The following GAD2 variants were observed in gnomAD, a reference collection of about 807,000 sequenced individuals.
GAD2 encodes the protein glutamate decarboxylase 2.
A neutral mutation model predicts 80.1 loss-of-function variants in GAD2; 22 were observed. That is an observed-to-expected ratio of 0.27 (90% CI 0.20 to 0.39). The LOEUF (loss-of-function observed/expected upper bound fraction) is 0.39, where lower values mean the gene tolerates loss of function less well. Among genes scored for constraint, GAD2 ranks in the 10% least tolerant of loss-of-function variants. The pLI is 1.00. For missense variants in GAD2, 624 were observed against 738.4 expected (o/e 0.85, Z 1.80); for synonymous variants, 274 against 256.9 (o/e 1.07, Z -0.64).
At chr10:26,294,911 T>A (rs1474127783) in intron 15 of GAD2, among the ~76,000 whole-genome samples, 1 of 152,214 alleles carries the variant, frequency 6.6e-6, no homozygotes, top group Non-Finnish European at 1.5e-5. Flanking sequence ...AACAATGACT[T>A]ATTTAACCAG....
chr10:26,230,312 G>C (rs1047620470), intron 7 of GAD2, among the ~76,000 whole-genome samples: 14 of 152,230 alleles, frequency 9.2e-5, no homozygotes, highest in Non-Finnish European at 1.8e-4. Flanking sequence ...TTGGACCATT[G>C]ATGCTACGCC....
chr10:26,217,526 G>C lies in GAD2; in HGVS notation c.77-84G>C. 7.0e-7 allele frequency: 1 copy of C among 1,432,750 alleles called. No individual in the cohort carries two copies. The highest frequency in any genetic ancestry group is 2.5e-5 in the East Asian group (1 of 40,490). 88.8% of individuals were successfully genotyped at this position (1,432,750 alleles called of 1,614,324 possible). A position where few individuals can be genotyped will look rare whatever the true frequency, so the allele number is the denominator to read the frequency against. On this transcript the variant is annotated intron_variant, in intron 1 of 15. Coordinates refer to ENST00000376261, the MANE Select transcript of GAD2 (RefSeq NM_001134366.2). The surrounding 1 kb of genome is among the most constrained non-coding windows in gnomAD (Gnocchi z 4.9). Reference sequence around the variant, plus strand: ...CCCCTCCTAGGACCCCGGACTGATTGATTTTCACATAGAACGAAATTTCAC... The same window carrying C: ...CCCCTCCTAGGACCCCGGACTGATTCATTTTCACATAGAACGAAATTTCAC...
At chr10:26,295,173 C>T (rs1834259601) in intron 15 of GAD2, among the ~76,000 whole-genome samples, 1 of 152,112 alleles carries the variant, frequency 6.6e-6, no homozygotes. Context: ...GTTTCAGCAC[C>T]TCATATGAGC....
intron 7 of GAD2, among the ~76,000 whole-genome samples, chr10:26,244,915 G>T (rs1447429931): frequency 6.6e-6 from 1 of 152,184 alleles, no homozygotes; most frequent in Non-Finnish European, 1.5e-5. Flanking sequence ...ACTTTGGGAG[G>T]TTGAGGCAGG....
chr10:26,237,686 C>G (rs1266196891), intron 7 of GAD2, among the ~76,000 whole-genome samples: 1 of 152,002 alleles, frequency 6.6e-6, no homozygotes, highest in Non-Finnish European at 1.5e-5. Flanking sequence ...TTTGAGATTT[C>G]CCTACATACA....
intron 15 of GAD2, among the ~76,000 whole-genome samples, chr10:26,296,566 T>A (rs537334725): frequency 3.2e-4 from 48 of 152,322 alleles, no homozygotes; most frequent in Non-Finnish European, 6.2e-4. Flanking sequence ...TGATGAATGC[T>A]TGGGGCACTA....
chr10:26,254,856 C>T (rs1326631479), intron 8 of GAD2, among the ~76,000 whole-genome samples: 1 of 152,170 alleles, frequency 6.6e-6, no homozygotes, highest in African/African-American at 2.4e-5. Flanking sequence ...GAAGTGTTGG[C>T]TGATTGGTGT....
At chr10:26,231,871 TACC>T (rs1374237083) in intron 7 of GAD2, among the ~76,000 whole-genome samples, 2 of 152,180 alleles carry the variant, frequency 1.3e-5, no homozygotes, top group Non-Finnish European at 2.9e-5. Flanking sequence ...CCTCTACTTC[TACC>T]ACCACATCTC....
At chr10:26,234,599 GTT>G (rs1364199950) in intron 7 of GAD2, among the ~76,000 whole-genome samples, 3 of 152,184 alleles carry the variant, frequency 2.0e-5, no homozygotes, top group African/African-American at 7.2e-5. Flanking sequence ...GAAATGTTTG[GTT>G]TTATCATGTA....
chr10:26,278,054 C>T (rs949117344), intron 11 of GAD2, among the ~76,000 whole-genome samples: 1 of 152,064 alleles, frequency 6.6e-6, no homozygotes, highest in Admixed American at 6.5e-5. Flanking sequence ...AATCAATCTG[C>T]AGGGCTTTTT....
At chr10:26,267,442 G>A (rs529014971) in intron 8 of GAD2, among the ~76,000 whole-genome samples, 1 of 152,354 alleles carries the variant, frequency 6.6e-6, no homozygotes, top group East Asian at 1.9e-4. Context: ...AAGTTATGAA[G>A]TGTAGGAAGA....
intron 11 of GAD2, among the ~76,000 whole-genome samples, chr10:26,274,878 C>T (rs1213645226): frequency 6.6e-6 from 1 of 152,224 alleles, no homozygotes; most frequent in Non-Finnish European, 1.5e-5. Context: ...GGGTCACTGT[C>T]CCTGAGTCTG....
Position 26,297,778 on chromosome 10 carries a change from G to A in GAD2, c.1585-3010G>A, listed in dbSNP as rs1319180080. 2.0e-5 allele frequency among the ~76,000 whole-genome samples: 3 copies of A among 152,282 alleles called. No individual in the cohort carries two copies. The East Asian group carries it at 5.8e-4, about 29-fold the overall frequency. On this transcript the variant is annotated intron_variant, in intron 15 of 15. Transcript: ENST00000376261. ...GGAAGGTGCCCTCTCTTCCAAGAGAGGAAGGGCAGGTTGGGTTTTATGCCT... is the reference window on the plus strand; with the variant it reads ...GGAAGGTGCCCTCTCTTCCAAGAGAAGAAGGGCAGGTTGGGTTTTATGCCT...
chr10:26,283,407 A>G (rs1294860930), intron 12 of GAD2, among the ~76,000 whole-genome samples: 3 of 152,242 alleles, frequency 2.0e-5, no homozygotes, highest in Non-Finnish European at 2.9e-5. Flanking sequence ...AGGTCCATGT[A>G]TACCGTGGCT....
intron 15 of GAD2, among the ~76,000 whole-genome samples, chr10:26,295,508 G>GCGCACACACA (rs1332894396): frequency 1.5e-5 from 2 of 133,822 alleles, no homozygotes; most frequent in African/African-American, 6.0e-5. Flanking sequence ...TCATACGCAT[G>GCGCACACACA]CACACACACA....
At chr10:26,235,107 C>T (rs1226363026) in intron 7 of GAD2, among the ~76,000 whole-genome samples, 2 of 152,216 alleles carry the variant, frequency 1.3e-5, no homozygotes, top group African/African-American at 2.4e-5. Flanking sequence ...CTCCTGACCT[C>T]AGGTGATCCA....
At chr10:26,219,988 G>A (rs1367981763) in intron 4 of GAD2, among the ~76,000 whole-genome samples, 3 of 152,066 alleles carry the variant, frequency 2.0e-5, no homozygotes, top group African/African-American at 7.2e-5. Flanking sequence ...GTACTTTTGT[G>A]GTCTCTTGGC....
intron 8 of GAD2, among the ~76,000 whole-genome samples, chr10:26,250,125 CCT>C (rs1032043997): frequency 2.0e-5 from 3 of 151,990 alleles, no homozygotes; most frequent in African/African-American, 7.3e-5. Flanking sequence ...GCAATTCTCC[CCT>C]CTCAGCCTCC....
At chr10:26,229,623 A>G (rs1844573256) in intron 6 of GAD2, 39 bp from the exon 7 acceptor site, 2 of 1,402,184 alleles carry the variant, frequency 1.4e-6, no homozygotes, top group Admixed American at 3.5e-5. Context: ...AATGAGGTTG[A>G]TAATAAATAA....
Sources: allele counts gnomAD v4.1 joint callset (sites outside exome capture counted in the v4.1 genomes callset), GRCh38; gene constraint gnomAD v4.1.1; non-coding constraint Gnocchi (gnomAD v3.1); transcripts MANE v1.5; gene names NCBI Gene and HGNC (gene_info 2026-07-23, HGNC 2026-07-21).